TRIM69: variants seen among roughly 807,000 people sequenced by gnomAD.
TRIM69 encodes the protein tripartite motif containing 69.
A neutral mutation model predicts 37.7 loss-of-function variants in TRIM69; 29 were observed. The observed-to-expected ratio is 0.77, with a 90% confidence interval of 0.57 to 1.05. The LOEUF is 1.05. Ranked by LOEUF, TRIM69 falls within the 50% of genes least tolerant of loss-of-function variation. TRIM69 has a pLI of 0.00. For synonymous variants in TRIM69, 209 were observed against 212.4 expected, an observed-to-expected ratio of 0.98 and a Z score of 0.14; for missense variants, 596 against 579.9, an observed-to-expected ratio of 1.03 and a Z score of -0.28.
At chr15:44,749,825 T>C (rs1188279069) in intron 1 of TRIM69, among the ~76,000 whole-genome samples, 1 of 152,216 alleles carries the variant, frequency 6.6e-6, no homozygotes, top group African/African-American at 2.4e-5. Context: ...TCCACAGTGG[T>C]TGCACCAATT....
chr15:44,746,777 C>T (rs1267114749), intron 1 of TRIM69, among the ~76,000 whole-genome samples: 3 of 139,898 alleles, frequency 2.1e-5, no homozygotes, highest in East Asian at 4.2e-4. Flanking sequence ...CACACACACA[C>T]ATCTTTCTTT....
At chr15:44,765,328 T>A (rs996608209) in intron 6 of TRIM69, among the ~76,000 whole-genome samples, 2 of 152,204 alleles carry the variant, frequency 1.3e-5, no homozygotes, top group African/African-American at 4.8e-5. Context: ...TCCAAAACGT[T>A]GCTAAAAAGT....
At chr15:44,745,297 G>C (rs1399361226) in intron 1 of TRIM69, among the ~76,000 whole-genome samples, 1 of 152,056 alleles carries the variant, frequency 6.6e-6, no homozygotes, top group East Asian at 1.9e-4. Context: ...ACTATTAGAT[G>C]ACTACTAAGT....
intron 6 of TRIM69, among the ~76,000 whole-genome samples, chr15:44,761,381 A>C (rs1208675838): frequency 6.6e-6 from 1 of 152,112 alleles, no homozygotes; most frequent in Non-Finnish European, 1.5e-5. Flanking sequence ...TCCTTTCCAA[A>C]ACTTGATATT....
Position 44,767,061 on chromosome 15 carries a change from A to AAAAAAAAAAAG in TRIM69, c.962-160_962-159insGAAAAAAAAAA, listed in dbSNP as rs1566902651. ...GGCAACCTTGTCTGCCTCAAAAAAA[A>AAAAAAAAAAAG]AAAAAAAAAAAAAAAAAAAAAAAGC... On this transcript the variant is annotated intron_variant, in intron 6 of 6. Transcript: ENST00000329464. Among the ~76,000 whole-genome samples the AAAAAAAAAAAG allele has an allele frequency of 7.4e-3, 968 of 131,576 alleles. 120 individuals carry two copies. The highest frequency in any genetic ancestry group is 0.012 in the Non-Finnish European group (735 of 60,534). The allele number at this position is 131,576 out of a possible 152,430, so 86.3% of individuals were successfully genotyped here.
At chr15:44,747,270 ACT>A (rs1259523518) in intron 1 of TRIM69, among the ~76,000 whole-genome samples, 1 of 151,840 alleles carries the variant, frequency 6.6e-6, no homozygotes, top group Non-Finnish European at 1.5e-5. Context: ...GAGGAGAGAG[ACT>A]CTGCATTGCA....
chr15:44,759,763 G>A lies in TRIM69; in HGVS notation c.852G>A (p.Met284Ile), dbSNP rs202105411. 11 of 1,614,102 alleles carry A rather than the reference G, an allele frequency of 6.8e-6. No individual in the cohort carries two copies. Among genetic ancestry groups the A allele is most frequent in the Non-Finnish European group, 9.3e-6 (11 of 1,180,046 alleles). The change falls in exon 6 of 7, where the codon ATG becomes ATA. Residue 284 changes from methionine (M) to isoleucine (I), a missense_variant. Transcript: ENST00000329464. ...TTLLHSLEQG[M>I]KVLATRELIS... Reference sequence around the variant, plus strand: ...TGCCCTGCAGCTTGGAGCAAGGAATGAAGGTGCTGGCAACCAGAGAGCTTA... The same window carrying A: ...TGCCCTGCAGCTTGGAGCAAGGAATAAAGGTGCTGGCAACCAGAGAGCTTA...
chr15:44,767,085 G>T (rs1398263351), intron 6 of TRIM69, 146 bp from the exon 7 acceptor site: 3 of 55,414 alleles, frequency 5.4e-5, no homozygotes, highest in African/African-American at 8.7e-5. Context: ...AAAAAAAAAA[G>T]CATATAAGTA....
At chr15:44,755,426 T>C (rs779879939) in intron 2 of TRIM69, 50 bp downstream of exon 2, 7 of 1,339,368 alleles carry the variant, frequency 5.2e-6, no homozygotes, top group Non-Finnish European at 7.4e-6. Flanking sequence ...CTAGGAAAAA[T>C]ATTTCATAGG....
At chr15:44,762,415 G>A (rs2087795621) in intron 6 of TRIM69, among the ~76,000 whole-genome samples, 1 of 152,040 alleles carries the variant, frequency 6.6e-6, no homozygotes, top group Non-Finnish European at 1.5e-5. Context: ...ATCAAATTTT[G>A]AATAATATCA....
At chr15:44,756,184 AC>A (rs777672987) in intron 2 of TRIM69, among the ~76,000 whole-genome samples, 183 bp from the exon 3 acceptor site, 14 of 152,108 alleles carry the variant, frequency 9.2e-5, no homozygotes, top group Non-Finnish European at 1.8e-4. Context: ...GAGCTGCCAC[AC>A]CCGGCCTTTT....
At chr15:44,757,614 G>C (rs900641925) in intron 3 of TRIM69, 1 of 152,210 alleles carries the variant, frequency 6.6e-6, no homozygotes, top group Non-Finnish European at 1.5e-5. Flanking sequence ...ATATTGATGA[G>C]GTGGATATGG....
chr15:44,758,305 G>A, intron 3 of TRIM69: 2 of 393,408 alleles, frequency 5.1e-6, no homozygotes, highest in Non-Finnish European at 9.3e-6. Flanking sequence ...ATCTAGGAGG[G>A]TATTATCTTT....
intron 6 of TRIM69, among the ~76,000 whole-genome samples, chr15:44,764,358 T>A (rs567802511): frequency 7.1e-4 from 108 of 152,348 alleles, no homozygotes; most frequent in Non-Finnish European, 1.3e-3. Context: ...AGTGGGAAAT[T>A]GTTTTTCTAT....
intron 6 of TRIM69, among the ~76,000 whole-genome samples, chr15:44,764,407 C>G (rs1215769499): frequency 2.0e-5 from 3 of 152,104 alleles, no homozygotes; most frequent in Non-Finnish European, 2.9e-5. Context: ...ATATTCCATA[C>G]TTTTTATTTC....
chr15:44,748,741 G>A (rs981774780), intron 1 of TRIM69, among the ~76,000 whole-genome samples: 15 of 145,770 alleles, frequency 1.0e-4, no homozygotes, highest in African/African-American at 2.8e-4. Context: ...CAGAAGACTC[G>A]CTTGAACCTG....
chr15:44,764,572 A>T (rs1294865576), intron 6 of TRIM69, among the ~76,000 whole-genome samples: 1 of 152,210 alleles, frequency 6.6e-6, no homozygotes, highest in South Asian at 2.1e-4. Context: ...TGTTGCTGCT[A>T]CTTAACTCTG....
intron 1 of TRIM69, among the ~76,000 whole-genome samples, chr15:44,751,061 TTCTCCCACCTCAG>T (rs1378030128): frequency 6.6e-6 from 1 of 150,388 alleles, no homozygotes; most frequent in Non-Finnish European, 1.5e-5. Context: ...GCTCACGTGA[TTCTCCCACCTCAG>T]TCTCCCAAAT....
At chr15:44,752,674 C>CT (rs1466795537) in intron 1 of TRIM69, among the ~76,000 whole-genome samples, 1 of 152,016 alleles carries the variant, frequency 6.6e-6, no homozygotes, top group Non-Finnish European at 1.5e-5. Flanking sequence ...TCTGTATGTG[C>CT]TTTTTTGTTT....
Sources: allele counts gnomAD v4.1 joint callset (sites outside exome capture counted in the v4.1 genomes callset), GRCh38; gene constraint gnomAD v4.1.1; transcripts MANE v1.5; gene names NCBI Gene and HGNC (gene_info 2026-07-23, HGNC 2026-07-21).